DLC1: variants seen among roughly 807,000 people sequenced by gnomAD.
DLC1 encodes rho GTPase-activating protein 7.
DLC1 carries 54 observed loss-of-function variants against 140.3 expected under a neutral mutation model. The observed-to-expected ratio is 0.38, with a 90% CI of 0.31 to 0.48. The LOEUF (loss-of-function observed/expected upper bound fraction) is 0.48. Among genes scored for constraint, DLC1 ranks in the 20% least tolerant of loss-of-function variants. The pLI, the probability that DLC1 is intolerant of heterozygous loss-of-function variation, is 0.96. For synonymous variants in DLC1, 986 were observed against 728.1 expected (o/e 1.35, Z -5.70); for missense variants, 2,536 against 1,907.0 (o/e 1.33, Z -6.14).
chr8:13,191,410 G>C (rs1826746177), intron 5 of DLC1, among the ~76,000 whole-genome samples: 1 of 152,202 alleles, frequency 6.6e-6, no homozygotes. Context: ...GGGAGGCTGA[G>C]GCAGAAGAAT....
At chr8:13,331,503 G>C (rs1441706186) in intron 4 of DLC1, among the ~76,000 whole-genome samples, 1 of 152,080 alleles carries the variant, frequency 6.6e-6, no homozygotes, top group Non-Finnish European at 1.5e-5. Flanking sequence ...TGTTAAAATA[G>C]CTATTGCTAC....
intron 1 of DLC1, among the ~76,000 whole-genome samples, chr8:13,527,085 G>A (rs749633906): frequency 2.0e-5 from 3 of 152,174 alleles, no homozygotes; most frequent in Admixed American, 6.5e-5. Context: ...CATATTGTAC[G>A]TGAATAGGCA....
At chr8:13,559,539 C>G (rs1304317789) in intron 1 of DLC1, among the ~76,000 whole-genome samples, 2 of 152,144 alleles carry the variant, frequency 1.3e-5, no homozygotes, top group East Asian at 3.8e-4. Context: ...AAATAATTTG[C>G]AATTTCCATG....
chr8:13,265,005 A>G (rs1021578582), intron 5 of DLC1, among the ~76,000 whole-genome samples: 3 of 152,328 alleles, frequency 2.0e-5, no homozygotes, highest in East Asian at 1.9e-4. Context: ...TACTCTTCAA[A>G]AGTTATTAAA....
At chr8:13,385,275 C>G (rs936315394) in intron 4 of DLC1, among the ~76,000 whole-genome samples, 1 of 152,086 alleles carries the variant, frequency 6.6e-6, no homozygotes, top group African/African-American at 2.4e-5. Flanking sequence ...GTAACAACAA[C>G]AACAACACAG....
At chr8:13,414,840 T>C (rs562646628) in intron 2 of DLC1, among the ~76,000 whole-genome samples, 3 of 152,244 alleles carry the variant, frequency 2.0e-5, no homozygotes, top group African/African-American at 4.8e-5. Flanking sequence ...GGACAGAGTC[T>C]TGTTCTGTCA....
intron 3 of DLC1, among the ~76,000 whole-genome samples, chr8:13,397,992 A>C (rs907931850): frequency 1.3e-5 from 2 of 151,446 alleles, no homozygotes; most frequent in African/African-American, 4.9e-5. Context: ...TTAGCTGGGC[A>C]TGGTGGTGCA....
intron 4 of DLC1, among the ~76,000 whole-genome samples, chr8:13,311,478 A>G (rs1162133838): frequency 1.3e-5 from 2 of 152,226 alleles, no homozygotes; most frequent in Non-Finnish European, 2.9e-5. Flanking sequence ...AAATATCTAT[A>G]ACTAAAGTGA....
intron 5 of DLC1, among the ~76,000 whole-genome samples, chr8:13,302,207 A>T (rs975473300): frequency 2.6e-5 from 4 of 152,180 alleles, no homozygotes; most frequent in Non-Finnish European, 4.4e-5. Context: ...GAAATTCTCA[A>T]TTGAGAAGAG....
At chr8:13,122,969 T>C (rs1298279913) in intron 5 of DLC1, among the ~76,000 whole-genome samples, 4 of 152,180 alleles carry the variant, frequency 2.6e-5, no homozygotes, top group Non-Finnish European at 5.9e-5. Flanking sequence ...CCTTTCACTA[T>C]TTATTGATCC....
Position 13,278,755 on chromosome 8 carries a change from A to C in DLC1, c.1348+26514T>G, listed in dbSNP as rs545342718. ...AATGGTAGGAAGCTTTTCTACACCT[A>C]AACACAGAAAGGAAGGGGAGCAGTA... On this transcript the variant is annotated intron_variant, in intron 5 of 17. Transcript: ENST00000276297. 1.1e-3 allele frequency among the ~76,000 whole-genome samples: 164 copies of C among 152,318 alleles called. 5 individuals carry two copies. The South Asian group carries it at 0.033, about 31-fold the overall frequency.
intron 4 of DLC1, among the ~76,000 whole-genome samples, chr8:13,355,031 T>C (rs1168199159): frequency 6.6e-6 from 1 of 151,688 alleles, no homozygotes; most frequent in Non-Finnish European, 1.5e-5. Flanking sequence ...TAATGAAACA[T>C]TATTGGGAGA....
chr8:13,405,045 G>T (rs547843536), intron 2 of DLC1, among the ~76,000 whole-genome samples: 2 of 151,738 alleles, frequency 1.3e-5, no homozygotes, highest in South Asian at 2.1e-4. Context: ...ACTTCTGGAG[G>T]ATTTTTTTTT....
At chr8:13,358,260 A>G (rs1272680244) in intron 4 of DLC1, among the ~76,000 whole-genome samples, 1 of 152,260 alleles carries the variant, frequency 6.6e-6, no homozygotes, top group African/African-American at 2.4e-5. Flanking sequence ...AAAAATACAC[A>G]TACAAAATGT....
At chr8:13,142,182 G>A (rs540831377) in intron 5 of DLC1, among the ~76,000 whole-genome samples, 30 of 152,296 alleles carry the variant, frequency 2.0e-4, no homozygotes, top group Admixed American at 5.9e-4. Flanking sequence ...CTTCCCCAGC[G>A]GTGGCGAACT....
intron 5 of DLC1, among the ~76,000 whole-genome samples, chr8:13,231,694 C>G (rs1199390098): frequency 6.6e-6 from 1 of 152,202 alleles, no homozygotes; most frequent in African/African-American, 2.4e-5. Flanking sequence ...GATGAGGAGA[C>G]TGAGATATTT....
chr8:13,586,716 C>G (rs1470968517), intron 1 of DLC1, among the ~76,000 whole-genome samples: 1 of 151,490 alleles, frequency 6.6e-6, no homozygotes, highest in African/African-American at 2.4e-5. Context: ...TCTTTAAAAA[C>G]TATGTAGTAC....
chr8:13,210,327 A>T (rs1030556975), intron 5 of DLC1, among the ~76,000 whole-genome samples: 12 of 152,178 alleles, frequency 7.9e-5, no homozygotes, highest in African/African-American at 2.9e-4. Context: ...CAGGATATTT[A>T]TTAAAGGGAG....
intron 2 of DLC1, among the ~76,000 whole-genome samples, chr8:13,487,370 A>G (rs193234114): frequency 6.6e-6 from 1 of 152,136 alleles, no homozygotes; most frequent in Non-Finnish European, 1.5e-5. Flanking sequence ...TTGGAAATTC[A>G]TCAATGAATT....
Sources: allele counts gnomAD v4.1 joint callset (sites outside exome capture counted in the v4.1 genomes callset), GRCh38; gene constraint gnomAD v4.1.1; transcripts MANE v1.5; gene names NCBI Gene and HGNC (gene_info 2026-07-23, HGNC 2026-07-21).